The following TMEM161B variants were observed in gnomAD, a reference collection of about 807,000 sequenced individuals.
TMEM161B encodes the protein transmembrane protein 161B.
Under a neutral mutation model 61.8 loss-of-function variants are expected in TMEM161B, and 34 were observed. The ratio of observed to expected loss-of-function variants is 0.55; its 90% CI spans 0.42 to 0.73. The LOEUF (loss-of-function observed/expected upper bound fraction) is 0.73, where lower values mean the gene tolerates loss of function less well. TMEM161B is among the 30% of genes least tolerant of loss of function. TMEM161B has a pLI of 0.00. For missense variants in TMEM161B, 456 were observed against 558.5 expected (o/e 0.82, Z 1.85); for synonymous variants, 167 against 192.8 (o/e 0.87, Z 1.11).
intron 1 of TMEM161B, among the ~76,000 whole-genome samples, chr5:88,245,507 T>G (rs1212158004): frequency 6.6e-6 from 1 of 151,942 alleles, no homozygotes; most frequent in Non-Finnish European, 1.5e-5. Context: ...TCAACCTAGC[T>G]TTGAAAGAAC....
rs146568790 is a variant in TMEM161B at position 88,228,014 on chromosome 5, C to T, written c.191+431G>A. 5.3e-3 allele frequency among the ~76,000 whole-genome samples: 810 copies of T among 152,284 alleles called. 3 individuals carry two copies. The highest frequency in any genetic ancestry group is 7.9e-3 in the Admixed American group (121 of 15,292). ...CATTCAGGAGCTGATGGGACCTACA[C>T]AGTTATATTGTCCCTCCCTTTTAAT... is the stretch of plus-strand genomic sequence containing the variant. On this transcript the variant is annotated intron_variant, in intron 3 of 11. Transcript: ENST00000296595.
chr5:88,209,107 A>G (rs1248326390), intron 5 of TMEM161B, among the ~76,000 whole-genome samples: 1 of 152,168 alleles, frequency 6.6e-6, no homozygotes, highest in Non-Finnish European at 1.5e-5. Flanking sequence ...TGGATTTTGG[A>G]GCATTTCGGA....
At chr5:88,263,635 G>A (rs951235015) in intron 1 of TMEM161B, among the ~76,000 whole-genome samples, 9 of 152,108 alleles carry the variant, frequency 5.9e-5, no homozygotes, top group East Asian at 1.9e-4. Context: ...GCAAAACCAC[G>A]TTAACAACAG....
At chr5:88,238,522 G>A (rs1752225903) in intron 2 of TMEM161B, among the ~76,000 whole-genome samples, 1 of 151,632 alleles carries the variant, frequency 6.6e-6, no homozygotes, top group Non-Finnish European at 1.5e-5. Context: ...TCACTCCCAA[G>A]CCATCCTACA....
chr5:88,215,563 G>A (rs2112486828), intron 5 of TMEM161B, among the ~76,000 whole-genome samples: 3 of 152,090 alleles, frequency 2.0e-5, no homozygotes, highest in East Asian at 3.9e-4. Context: ...CCTCTTTTTG[G>A]AGAATCAAAG....
intron 5 of TMEM161B, among the ~76,000 whole-genome samples, chr5:88,220,105 C>T (rs1441466955): frequency 6.6e-6 from 1 of 151,942 alleles, no homozygotes; most frequent in Non-Finnish European, 1.5e-5. Context: ...GGTAATAATA[C>T]ACTATAATGC....
At chr5:88,198,850 T>G in intron 10 of TMEM161B, 126 bp downstream of exon 10, 1 of 857,458 alleles carries the variant, frequency 1.2e-6, no homozygotes, top group Non-Finnish European at 1.7e-6. Context: ...AACTTAAGAT[T>G]GTTCTGTTTA....
chr5:88,209,129 A>G (rs1346352212), intron 5 of TMEM161B, among the ~76,000 whole-genome samples: 1 of 152,210 alleles, frequency 6.6e-6, no homozygotes, highest in Non-Finnish European at 1.5e-5. Flanking sequence ...TTTGGATTGT[A>G]ATGCTCAACC....
At chr5:88,220,094 AG>A (rs1748639347) in intron 5 of TMEM161B, among the ~76,000 whole-genome samples, 2 of 152,138 alleles carry the variant, frequency 1.3e-5, no homozygotes, top group African/African-American at 4.8e-5. Flanking sequence ...TATTTAAGGA[AG>A]GTAATAATAC....
chr5:88,257,918 G>A (rs772161105), intron 1 of TMEM161B, among the ~76,000 whole-genome samples: 2 of 152,070 alleles, frequency 1.3e-5, no homozygotes, highest in Admixed American at 1.3e-4. Flanking sequence ...TTTTAAAAAA[G>A]ATCTATCTCT....
At chr5:88,214,274 T>A (rs917656693) in intron 5 of TMEM161B, among the ~76,000 whole-genome samples, 13 of 152,178 alleles carry the variant, frequency 8.5e-5, no homozygotes, top group African/African-American at 2.9e-4. Flanking sequence ...AACCTCCACA[T>A]TGTAAAATAC....
chr5:88,237,873 A>AT (rs1752117690), intron 2 of TMEM161B, among the ~76,000 whole-genome samples: 1 of 152,098 alleles, frequency 6.6e-6, no homozygotes, highest in Admixed American at 6.6e-5. Flanking sequence ...TCCTTCAAGT[A>AT]TAATTGCTTA....
rs532003655 is a variant in TMEM161B, at chr5:88,206,491, T to C, written c.607A>G (p.Asn203Asp). 7.5e-6 allele frequency: 12 copies of C among 1,593,074 alleles called. No homozygotes were observed. Among genetic ancestry groups the C allele is most frequent in the South Asian group, 3.5e-5 (3 of 86,238 alleles). ...AACTGCATCGCACTGTCTGAAAAATTTGTAAACCCTGTGGGGGAAAAAAAA... is the reference window on the plus strand; with the variant it reads ...AACTGCATCGCACTGTCTGAAAAATCTGTAAACCCTGTGGGGGAAAAAAAA... The part of the protein sequence containing the change: ...LEFGLETGFT[N>D]FSDSAMQFLE... The change falls in exon 7 of 12, where the codon AAT becomes GAT. Residue 203 changes from asparagine to aspartate, a missense_variant. Physicochemically the swap from Asn to Asp is conservative, Grantham distance 23. Around this residue, in one of 3 missense-constraint regions of TMEM161B, gnomAD observed 367 missense variants for 427.3 expected, o/e 0.86. Transcript: ENST00000296595.
chr5:88,264,339 C>T (rs557032447), intron 1 of TMEM161B, among the ~76,000 whole-genome samples: 33 of 152,116 alleles, frequency 2.2e-4, no homozygotes, highest in South Asian at 4.1e-4. Context: ...AAAAGCTCAT[C>T]GTCATTGGTC....
At chr5:88,253,471 G>C (rs532186562) in intron 1 of TMEM161B, among the ~76,000 whole-genome samples, 1 of 152,248 alleles carries the variant, frequency 6.6e-6, no homozygotes, top group African/African-American at 2.4e-5. Flanking sequence ...TCCACTATCA[G>C]AACAGGAAAG....
intron 9 of TMEM161B, chr5:88,200,302 GGC>G (rs1048957304): frequency 1.3e-5 from 2 of 152,002 alleles, no homozygotes; most frequent in African/African-American, 4.8e-5. Flanking sequence ...GAAAGATAAA[GGC>G]ATAACATTTT....
chr5:88,234,923 T>C (rs1271823495), intron 2 of TMEM161B, among the ~76,000 whole-genome samples: 1 of 152,152 alleles, frequency 6.6e-6, no homozygotes, highest in African/African-American at 2.4e-5. Flanking sequence ...AAGCCTTTCA[T>C]ATTTAAGTTA....
downstream of TMEM161B, among the ~76,000 whole-genome samples, chr5:88,194,880 T>C (rs528441047): frequency 1.3e-5 from 2 of 152,088 alleles, no homozygotes; most frequent in Non-Finnish European, 2.9e-5. Flanking sequence ...TTACACATTT[T>C]ACAATCTTGA....
At chr5:88,224,802 G>T (rs1381832577) in intron 4 of TMEM161B, among the ~76,000 whole-genome samples, 1 of 152,050 alleles carries the variant, frequency 6.6e-6, no homozygotes, top group Non-Finnish European at 1.5e-5. Flanking sequence ...CCTACTGAAA[G>T]TGAGTATCAC....
Sources: allele counts gnomAD v4.1 joint callset (sites outside exome capture counted in the v4.1 genomes callset), GRCh38; gene constraint gnomAD v4.1.1; regional missense constraint gnomAD v4.1.1; transcripts MANE v1.5; gene names NCBI Gene and HGNC (gene_info 2026-07-23, HGNC 2026-07-21).